Variants in SLC9A9 observed in about 807,000 individuals in gnomAD.
SLC9A9 encodes the protein sodium/hydrogen exchanger 9.
A neutral mutation model predicts 77.8 loss-of-function variants in SLC9A9; 62 were observed. That is an observed-to-expected ratio of 0.80 (90% CI 0.65 to 0.98). SLC9A9 has a LOEUF of 0.98. Ranked by LOEUF, SLC9A9 falls within the 50% of genes least tolerant of loss-of-function variation. The probability of loss-of-function intolerance (pLI) is 0.00; values close to 1 mark genes in which losing one functional copy is unlikely to be tolerated. For missense variants in SLC9A9, 775 were observed against 774.9 expected, an observed-to-expected ratio of 1.00 and a Z score of 0.00; for synonymous variants, 320 against 283.5, an observed-to-expected ratio of 1.13 and a Z score of -1.29.
rs57031784 is a variant in SLC9A9 at position 143,279,764 on chromosome 3, G to A, written c.1605-10784C>T. Among the ~76,000 whole-genome samples the A allele has an allele frequency of 6.3e-3, 965 of 152,188 alleles. 10 individuals carry two copies. Among genetic ancestry groups the A allele is most frequent in the African/African-American group, 0.022 (934 of 41,540 alleles). ...TGAACTCATCCTTTTTTATGGCTGCGTAGTATTTCATGGTATATATGGGGC... is the reference window on the plus strand; with the variant it reads ...TGAACTCATCCTTTTTTATGGCTGCATAGTATTTCATGGTATATATGGGGC... On this transcript the variant is annotated intron_variant, in intron 14 of 15. Coordinates refer to ENST00000316549, the MANE Select transcript of SLC9A9 (RefSeq NM_173653.4).
rs1351947662 is a variant in SLC9A9, at chr3:143,407,846, A to G, written c.1470-25732T>C. ...ACCTGAGGATCTTGTTAGGATAAAG[A>G]CTTTGAATCAGTAGGTATATTAGCA... On this transcript the variant is annotated intron_variant, in intron 12 of 15. Coordinates refer to ENST00000316549, the MANE Select transcript of SLC9A9 (RefSeq NM_173653.4). 2.0e-5 allele frequency among the ~76,000 whole-genome samples: 3 copies of G among 152,254 alleles called. No homozygotes were observed. In the South Asian group the frequency reaches 6.2e-4, roughly 32 times the overall value.
chr3:143,805,766 T>C (rs2008694827), intron 2 of SLC9A9, among the ~76,000 whole-genome samples: 1 of 152,080 alleles, frequency 6.6e-6, no homozygotes, highest in Non-Finnish European at 1.5e-5. Context: ...CCTTTGACTG[T>C]AATTTTCCAT....
intron 11 of SLC9A9, among the ~76,000 whole-genome samples, chr3:143,475,983 C>T (rs190036884): frequency 1.3e-5 from 2 of 149,392 alleles, no homozygotes; most frequent in East Asian, 3.9e-4. Context: ...ACTTCAAATA[C>T]TCTGAAGAAG....
At chr3:143,573,306 G>T (rs1165274814) in intron 8 of SLC9A9, among the ~76,000 whole-genome samples, 1 of 152,140 alleles carries the variant, frequency 6.6e-6, no homozygotes, top group African/African-American at 2.4e-5. Context: ...GAGCAGAAAG[G>T]GATCCAGGAT....
At chr3:143,545,671 C>T (rs1230388345) in intron 9 of SLC9A9, among the ~76,000 whole-genome samples, 1 of 152,198 alleles carries the variant, frequency 6.6e-6, no homozygotes, top group Non-Finnish European at 1.5e-5. Flanking sequence ...CACAACCACT[C>T]ACTTAGGAGC....
chr3:143,406,891 G>T (rs1434561591), intron 12 of SLC9A9, among the ~76,000 whole-genome samples: 1 of 150,598 alleles, frequency 6.6e-6, no homozygotes, highest in African/African-American at 2.4e-5. Flanking sequence ...CAGGAGAATT[G>T]CTTGAACCTG....
chr3:143,352,404 T>C (rs2032481570), intron 14 of SLC9A9, among the ~76,000 whole-genome samples: 1 of 152,232 alleles, frequency 6.6e-6, no homozygotes, highest in Non-Finnish European at 1.5e-5. Flanking sequence ...GACAGGTCAG[T>C]GAAACCTAAT....
intron 5 of SLC9A9, among the ~76,000 whole-genome samples, chr3:143,668,727 C>T (rs2039112257): frequency 6.6e-6 from 1 of 152,202 alleles, no homozygotes; most frequent in Non-Finnish European, 1.5e-5. Context: ...GAAGGTCACC[C>T]ACCATGTGGT....
Position 143,472,180 on chromosome 3 carries a change from T to C in SLC9A9, c.1316-4990A>G, listed in dbSNP as rs543820670. On this transcript the variant is annotated intron_variant, in intron 11 of 15. Transcript: ENST00000316549. ...CTTTATCCCAGACACAGTACAAGAA[T>C]GACAGTTTGGCTGCTCTGTTCCAGT... Among the ~76,000 whole-genome samples the C allele has an allele frequency of 7.2e-5, 11 of 152,330 alleles. No homozygotes were observed. The East Asian group carries it at 1.9e-3, about 27-fold the overall frequency.
At position 143,613,742 on chromosome 3, in the gene SLC9A9, A is replaced by G. The variant is rs116350755; in HGVS notation, c.756-35019T>C. 6.3e-3 allele frequency among the ~76,000 whole-genome samples: 951 copies of G among 150,508 alleles called. 12 individuals carry two copies. The highest frequency in any genetic ancestry group is 0.022 in the African/African-American group (904 of 40,930). On this transcript the variant is annotated intron_variant, in intron 6 of 15. Transcript: ENST00000316549. ...CTCTTTTTTTTTTTCTGAATGTCCT[A>G]TTCTATTCATTTGACCTCTCCATTC...
At chr3:143,679,182 C>G (rs1255816999) in intron 5 of SLC9A9, among the ~76,000 whole-genome samples, 2 of 152,178 alleles carry the variant, frequency 1.3e-5, no homozygotes, top group Non-Finnish European at 1.5e-5. Context: ...GGCTTACTTG[C>G]ATTTCCATGG....
chr3:143,793,791 A>G (rs978796444), intron 4 of SLC9A9, among the ~76,000 whole-genome samples: 1 of 152,218 alleles, frequency 6.6e-6, no homozygotes, highest in African/African-American at 2.4e-5. Flanking sequence ...GCCCCTGCAA[A>G]GTTTAGAAAT....
intron 9 of SLC9A9, among the ~76,000 whole-genome samples, chr3:143,496,727 G>C (rs981013660): frequency 1.3e-5 from 2 of 152,196 alleles, no homozygotes; most frequent in African/African-American, 4.8e-5. Flanking sequence ...GTAGGGGACA[G>C]GGAATATTTT....
intron 14 of SLC9A9, among the ~76,000 whole-genome samples, chr3:143,358,268 T>A (rs1336353992): frequency 6.6e-6 from 1 of 152,188 alleles, no homozygotes; most frequent in African/African-American, 2.4e-5. Context: ...CTTTTCATTT[T>A]GTTGGCAATA....
intron 4 of SLC9A9, among the ~76,000 whole-genome samples, chr3:143,781,500 G>A (rs999856899): frequency 6.6e-6 from 1 of 152,152 alleles, no homozygotes; most frequent in African/African-American, 2.4e-5. Flanking sequence ...CTTATTTGAG[G>A]AGGTAATATA....
At chr3:143,270,066 C>T (rs534772506) in intron 14 of SLC9A9, among the ~76,000 whole-genome samples, 54 of 152,260 alleles carry the variant, frequency 3.5e-4, no homozygotes, top group African/African-American at 1.2e-3. Context: ...TGCACCTGAA[C>T]GAAGCCTTGT....
At chr3:143,480,933 A>G (rs1478908636) in intron 11 of SLC9A9, among the ~76,000 whole-genome samples, 2 of 152,212 alleles carry the variant, frequency 1.3e-5, no homozygotes, top group Non-Finnish European at 1.5e-5. Context: ...AGAAAAGTCC[A>G]GCTTTTAGAG....
chr3:143,496,898 G>C (rs1277771237), intron 9 of SLC9A9, among the ~76,000 whole-genome samples: 2 of 152,204 alleles, frequency 1.3e-5, no homozygotes, highest in African/African-American at 4.8e-5. Flanking sequence ...CAAGGTGCCA[G>C]CTGATTTGGT....
At chr3:143,332,219 A>G (rs945295685) in intron 14 of SLC9A9, among the ~76,000 whole-genome samples, 1 of 152,214 alleles carries the variant, frequency 6.6e-6, no homozygotes, top group Non-Finnish European at 1.5e-5. Flanking sequence ...CTCATGGCAG[A>G]TATCCCTAAA....
Sources: allele counts gnomAD v4.1 joint callset (sites outside exome capture counted in the v4.1 genomes callset), GRCh38; gene constraint gnomAD v4.1.1; transcripts MANE v1.5; gene names NCBI Gene and HGNC (gene_info 2026-07-23, HGNC 2026-07-21).